The following SLC3A2 variants were observed in gnomAD, a reference collection of about 807,000 sequenced individuals.
SLC3A2 encodes solute carrier family 3 member 2.
Under a neutral mutation model 48.5 loss-of-function variants are expected in SLC3A2, and 32 were observed. The observed-to-expected ratio is 0.66, with a 90% CI of 0.50 to 0.89. The LOEUF (loss-of-function observed/expected upper bound fraction) is 0.89. Ranked by LOEUF, SLC3A2 falls within the 40% of genes least tolerant of loss-of-function variation. The pLI is 0.00. For synonymous variants in SLC3A2, 277 were observed against 288.8 expected, an observed-to-expected ratio of 0.96 and a Z score of 0.41; for missense variants, 587 against 680.7, an observed-to-expected ratio of 0.86 and a Z score of 1.53.
At chr11:62,867,383 T>C (rs995675417) in intron 1 of SLC3A2, among the ~76,000 whole-genome samples, 38 of 139,874 alleles carry the variant, frequency 2.7e-4, no homozygotes, top group Middle Eastern at 3.8e-3. Context: ...TGGAGTGCAG[T>C]GGCCCGACCT....
intron 3 of SLC3A2, chr11:62,883,539 C>T (rs2085669516): frequency 5.5e-6 from 1 of 181,850 alleles, no homozygotes; most frequent in Admixed American, 5.4e-5. Flanking sequence ...CACCTAGCTC[C>T]TGATGTCTGG....
At position 62,880,919 on chromosome 11, in the gene SLC3A2, G is replaced by C. The variant is rs746756652; in HGVS notation, c.-105G>C. ...GCAGATGCAGTAGCCGAAACTGCGCGGAGGCACAGAGGCCGGGGAGAGCGT... is the reference window on the plus strand; with the variant it reads ...GCAGATGCAGTAGCCGAAACTGCGCCGAGGCACAGAGGCCGGGGAGAGCGT... On this transcript the variant is annotated 5_prime_UTR_variant, in exon 1 of 9. Coordinates refer to ENST00000338663, the MANE Select transcript of SLC3A2 (RefSeq NM_001013251.3). 2.1e-6 allele frequency: 3 copies of C among 1,461,476 alleles called. No individual in the cohort carries two copies. The highest frequency in any genetic ancestry group is 2.7e-6 in the Non-Finnish European group (3 of 1,106,704). The allele number at this position is 1,461,476 out of a possible 1,614,324, so 90.5% of individuals were successfully genotyped here. A position where few individuals can be genotyped will look rare whatever the true frequency, so the allele number is the denominator to read the frequency against.
At chr11:62,875,448 T>C (rs2085561309) in intron 1 of SLC3A2, among the ~76,000 whole-genome samples, 1 of 152,054 alleles carries the variant, frequency 6.6e-6, no homozygotes, top group African/African-American at 2.4e-5. Flanking sequence ...CGCAGGAGAA[T>C]AGTGTGAACC....
rs767616332 is a variant in SLC3A2, at chr11:62,881,796, C to G, written c.425-97C>G. The G allele has an allele frequency of 5.6e-6, 8 of 1,422,384 alleles. No homozygotes were observed. In the African/African-American group the frequency reaches 1.0e-4, roughly 18 times the overall value. The allele number at this position is 1,422,384 out of a possible 1,614,324, so 88.1% of individuals were successfully genotyped here. A position where few individuals can be genotyped will look rare whatever the true frequency, so the allele number is the denominator to read the frequency against. On this transcript the variant is annotated intron_variant, in intron 1 of 8. Coordinates refer to ENST00000338663, the MANE Select transcript of SLC3A2 (RefSeq NM_001013251.3). This position sits in a 1 kb window ranked among gnomAD's most constrained non-coding sequence, Gnocchi z 4.0. ...TGCCTCCCTCTCTCCCCCTTTGCCC[C>G]CTCCCCGTCCCACCCTTAGGCGCTG...
upstream of SLC3A2, among the ~76,000 whole-genome samples, chr11:62,878,948 T>G (rs1044046790): frequency 1.7e-4 from 25 of 151,208 alleles, no homozygotes; most frequent in Non-Finnish European, 2.7e-4. Flanking sequence ...AATTTTTGTA[T>G]TTTTAGTAGA....
upstream of SLC3A2, chr11:62,880,889 G>A (rs180942581): frequency 1.1e-4 from 152 of 1,434,086 alleles, no homozygotes; most frequent in Admixed American, 1.9e-3. Flanking sequence ...CGCGCCTGCT[G>A]CTGAGCAGAT....
chr11:62,887,699 CA>C (rs753559403), intron 7 of SLC3A2, among the ~76,000 whole-genome samples: 37,422 of 89,696 alleles, frequency 0.42, 4,132 homozygotes, highest in East Asian at 0.49. Context: ...GACTCCGTCT[CA>C]AAAAAAAAAA....
chr11:62,866,201 T>A (rs1300758290), intron 1 of SLC3A2, among the ~76,000 whole-genome samples: 1 of 151,486 alleles, frequency 6.6e-6, no homozygotes, highest in East Asian at 1.9e-4. Flanking sequence ...CATTGCAACC[T>A]CTGCCTCCTG....
At chr11:62,886,821 A>G (rs1417077424) in intron 7 of SLC3A2, among the ~76,000 whole-genome samples, 1 of 151,114 alleles carries the variant, frequency 6.6e-6, no homozygotes, top group Non-Finnish European at 1.5e-5. Context: ...CTGGTCTCCA[A>G]CTCCTGGGCT....
chr11:62,864,594 G>A (rs1044564186), intron 1 of SLC3A2, among the ~76,000 whole-genome samples: 1 of 151,292 alleles, frequency 6.6e-6, no homozygotes, highest in African/African-American at 2.4e-5. Context: ...AGCCTTGCGA[G>A]TAGCTGGGAT....
At position 62,888,529 on chromosome 11, in the gene SLC3A2, G is replaced by C; in HGVS notation, c.1426G>C (p.Gly476Arg). 6.2e-7 allele frequency: 1 copy of C among 1,614,208 alleles called. No homozygotes were observed. Among genetic ancestry groups the C allele is most frequent in the Non-Finnish European group, 8.5e-7 (1 of 1,180,044 alleles). Residue 476 changes from glycine (G) to arginine (R), a missense_variant, in exon 9 of 9, where the codon GGA becomes CGA. By Grantham distance (125) the Gly-to-Arg change is moderately radical (BLOSUM62 -2). Coordinates refer to ENST00000338663, the MANE Select transcript of SLC3A2 (RefSeq NM_001013251.3). ...LNFGDVGLSA[G>R]LQASDLPASA... ...CTTTGGGGATGTGGGCCTCTCGGCT[G>C]GACTGCAGGCCTCCGACCTGCCTGC...
chr11:62,888,688 G>T lies in SLC3A2; in HGVS notation c.1585G>T (p.Ala529Ser). Residue 529 changes from alanine to serine, a missense_variant, in exon 9 of 9, where the codon GCC (alanine) becomes TCC (serine). Transcript: ENST00000338663. Reference protein sequence around the residue: ...EGLLLRFPYAA With the variant: ...EGLLLRFPYAS ...GCTGCTGCTCCGCTTCCCCTACGCG[G>T]CCTGACTTCAGCCTGACATGGACCC... The T allele has an allele frequency of 6.3e-7, 1 of 1,589,558 alleles. No homozygotes were observed. The highest frequency in any genetic ancestry group is 8.5e-7 in the Non-Finnish European group (1 of 1,172,198).
chr11:62,881,832 G>A lies in SLC3A2; in HGVS notation c.425-61G>A. The A allele has an allele frequency of 1.3e-6, 2 of 1,574,188 alleles. No individual in the cohort carries two copies. Among genetic ancestry groups the A allele is most frequent in the South Asian group, 2.3e-5 (2 of 88,600 alleles). On this transcript the variant is annotated intron_variant, in intron 1 of 8. Transcript: ENST00000338663. This position sits in a 1 kb window ranked among gnomAD's most constrained non-coding sequence, Gnocchi z 4.0. ...CACCCTTAGGCGCTGGGAGAAGGGA[G>A]GGTGGGGAGGTCAGGGGCCTCTCAG...
chr11:62,872,567 C>T (rs754564410), intron 1 of SLC3A2, among the ~76,000 whole-genome samples: 17 of 152,132 alleles, frequency 1.1e-4, no homozygotes, highest in Non-Finnish European at 2.2e-4. Context: ...CTCTATAGTC[C>T]AGCCTCCTTT....
At chr11:62,873,452 G>A (rs1189235189) in intron 1 of SLC3A2, among the ~76,000 whole-genome samples, 2 of 150,900 alleles carry the variant, frequency 1.3e-5, no homozygotes, top group Non-Finnish European at 3.0e-5. Flanking sequence ...TCGCACCACT[G>A]CACACCAGCC....
chr11:62,883,053 C>T, intron 3 of SLC3A2, 54 bp downstream of exon 3: 2 of 1,529,030 alleles, frequency 1.3e-6, no homozygotes, highest in Non-Finnish European at 1.8e-6. Flanking sequence ...CTGGGACAGT[C>T]CTTTCACAGC....
chr11:62,858,704 G>C (rs1242634678), intron 1 of SLC3A2, among the ~76,000 whole-genome samples: 1 of 152,202 alleles, frequency 6.6e-6, no homozygotes, highest in Non-Finnish European at 1.5e-5. Flanking sequence ...TCATTCGTGG[G>C]TGTTTCTCGA....
At chr11:62,882,573 C>A (rs569563149) in intron 2 of SLC3A2, 7 of 304,912 alleles carry the variant, frequency 2.3e-5, no homozygotes, top group Non-Finnish European at 3.2e-5. Context: ...CAGCCTCCTC[C>A]CCCAGGGTTC....
chr11:62,873,330 A>C (rs1211678111), intron 1 of SLC3A2, among the ~76,000 whole-genome samples: 1 of 152,072 alleles, frequency 6.6e-6, no homozygotes, highest in African/African-American at 2.4e-5. Flanking sequence ...TCTACTAAAA[A>C]TACAAAAATT....
Sources: allele counts gnomAD v4.1 joint callset (sites outside exome capture counted in the v4.1 genomes callset), GRCh38; gene constraint gnomAD v4.1.1; non-coding constraint Gnocchi (gnomAD v3.1); transcripts MANE v1.5; gene names NCBI Gene and HGNC (gene_info 2026-07-23, HGNC 2026-07-21).